Variants in C16orf46 observed in about 807,000 individuals in gnomAD.
C16orf46 encodes the protein chromosome 16 open reading frame 46.
A neutral mutation model predicts 5.5 loss-of-function variants in C16orf46; 7 were observed. The ratio of observed to expected loss-of-function variants is 1.28; its 90% CI spans 0.73 to 2.40. C16orf46 has a LOEUF of 2.40. Among genes scored for constraint, C16orf46 ranks in the 30% most tolerant of loss-of-function variants. The pLI is 0.00. For missense variants in C16orf46, 614 were observed against 476.0 expected, an observed-to-expected ratio of 1.29 and a Z score of -2.70; for synonymous variants, 200 against 184.1, an observed-to-expected ratio of 1.09 and a Z score of -0.70.
intron 3 of C16orf46, chr16:81,054,163 C>G: frequency 7.0e-7 from 1 of 1,435,774 alleles, no homozygotes; most frequent in Non-Finnish European, 9.8e-7. Context: ...TGGCAGAAGT[C>G]AATGCATCTG....
downstream of C16orf46, among the ~76,000 whole-genome samples, chr16:81,058,993 C>T (rs1223404605): frequency 3.9e-5 from 6 of 152,264 alleles, no homozygotes; most frequent in African/African-American, 1.2e-4. Flanking sequence ...AAAATGATCC[C>T]TGATTCCCAT....
At chr16:81,053,897 T>C in exon 4 of C16orf46, 3 of 622,446 alleles carry the variant, frequency 4.8e-6, no homozygotes, top group Non-Finnish European at 8.3e-6. Flanking sequence ...ATGGCAGGTG[T>C]AAATAAGACC....
In C16orf46 at chr16:81,061,595, C is replaced by A; in HGVS notation, c.754G>T (p.Ala252Ser). 6.2e-7 allele frequency: 1 copy of A among 1,614,222 alleles called. No homozygotes were observed. Among genetic ancestry groups the A allele is most frequent in the Non-Finnish European group, 8.5e-7 (1 of 1,180,050 alleles). The change falls in exon 4 of 4, where the codon GCA becomes TCA. Residue 252 changes from alanine (A) to serine (S), a missense_variant. Transcript: ENST00000299578. ...DVEKDGCVAY[A>S]YGLKTADGKG... Reference sequence around the variant, plus strand: ...CCATCTGCTGTTTTCAAGCCATATGCATAAGCCACACACCCATCCTTTTCC... The same window carrying A: ...CCATCTGCTGTTTTCAAGCCATATGAATAAGCCACACACCCATCCTTTTCC...
rs1461348016 is a variant in C16orf46, at chr16:81,061,661, T to TA, written c.687dup (p.Lys230Ter). ...TCTTCTGACTGCAAGAAAGAGTTCT[T>TA]ACTCTTCTTACCCAGAACATCCAAA... On this transcript the variant is annotated frameshift_variant, in exon 4 of 4. Transcript: ENST00000299578. LOFTEE classifies it low-confidence loss of function (END_TRUNC). 3 of 1,614,090 alleles carry TA rather than the reference T, an allele frequency of 1.9e-6. No individual in the cohort carries two copies. Among genetic ancestry groups the TA allele is most frequent in the Non-Finnish European group, 8.5e-7 (1 of 1,180,042 alleles).
chr16:81,055,061 G>C (rs759407732), intron 3 of C16orf46, among the ~76,000 whole-genome samples: 2 of 152,230 alleles, frequency 1.3e-5, no homozygotes, highest in Non-Finnish European at 2.9e-5. Flanking sequence ...ATAATGCCAA[G>C]TATTCCTCTG....
At chr16:81,071,361 G>T (rs1470497567) in intron 1 of C16orf46, among the ~76,000 whole-genome samples, 1 of 152,208 alleles carries the variant, frequency 6.6e-6, no homozygotes, top group East Asian at 1.9e-4. Context: ...AAATCTAATC[G>T]CTGCAGGGGA....
intron 1 of C16orf46, among the ~76,000 whole-genome samples, chr16:81,075,584 T>C (rs1475649065): frequency 6.6e-6 from 1 of 152,150 alleles, no homozygotes; most frequent in African/African-American, 2.4e-5. Flanking sequence ...GGTGAGACTG[T>C]CTCAAAACAA....
chr16:81,071,875 G>C (rs767156685), intron 1 of C16orf46: 1 of 152,208 alleles, frequency 6.6e-6, no homozygotes, highest in African/African-American at 2.4e-5. Context: ...AGCTACTGCT[G>C]CCCAAAGAGC....
chr16:81,073,268 A>T (rs1343175480), intron 1 of C16orf46, among the ~76,000 whole-genome samples: 1 of 152,234 alleles, frequency 6.6e-6, no homozygotes, highest in Non-Finnish European at 1.5e-5. Flanking sequence ...TAGAGATTGA[A>T]AGTCTCAGGA....
chr16:81,069,446 T>C (rs1348566929), intron 1 of C16orf46, among the ~76,000 whole-genome samples: 1 of 152,216 alleles, frequency 6.6e-6, no homozygotes, highest in Admixed American at 6.5e-5. Flanking sequence ...ATGCAGAGTG[T>C]GATGGCAAAC....
At chr16:81,073,079 A>G (rs1971910841) in intron 1 of C16orf46, among the ~76,000 whole-genome samples, 1 of 152,242 alleles carries the variant, frequency 6.6e-6, no homozygotes, top group East Asian at 1.9e-4. Context: ...AAGTCACATG[A>G]TGCTAGCAGA....
chr16:81,068,861 C>T (rs1054362242), intron 1 of C16orf46, among the ~76,000 whole-genome samples: 1 of 151,736 alleles, frequency 6.6e-6, no homozygotes, highest in African/African-American at 2.4e-5. Flanking sequence ...GCCACCACGC[C>T]CGGCTAATTT....
In C16orf46 at chr16:81,063,802, G is replaced by A. The variant is rs1253830581; in HGVS notation, c.154C>T (p.Leu52Phe). 6.2e-7 allele frequency: 1 copy of A among 1,614,002 alleles called. No individual in the cohort carries two copies. Among genetic ancestry groups the A allele is most frequent in the East Asian group, 2.2e-5 (1 of 44,866 alleles). Residue 52 changes from leucine (L) to phenylalanine (F), a missense_variant, in exon 3 of 4, where the codon CTT becomes TTT. By Grantham distance (22) the Leu-to-Phe change is conservative. Coordinates refer to ENST00000299578, the MANE Select transcript of C16orf46 (RefSeq NM_152337.3). Reference protein sequence around the residue: ...YCLLDVSDITLEQDEKAKEFI... With the variant: ...YCLLDVSDITFEQDEKAKEFI... The stretch of plus-strand genomic sequence containing the variant: ...TCTTTGGCTTTTTCATCTTGTTCAA[G>A]CGTAATGTCACTGACATCGAGAAGA...
exon 4 of C16orf46, chr16:81,053,990 G>T: frequency 6.9e-7 from 1 of 1,444,602 alleles, no homozygotes; most frequent in Non-Finnish European, 9.7e-7. Flanking sequence ...GCTTTTCCAT[G>T]TCCTGGGTGA....
downstream of C16orf46, among the ~76,000 whole-genome samples, chr16:81,058,701 C>G (rs1971375217): frequency 6.6e-6 from 1 of 152,192 alleles, no homozygotes; most frequent in African/African-American, 2.4e-5. Context: ...TTGATCCACT[C>G]AATACATTCA....
chr16:81,075,115 A>G (rs1451245310), intron 1 of C16orf46, among the ~76,000 whole-genome samples: 4 of 152,154 alleles, frequency 2.6e-5, no homozygotes. Flanking sequence ...CTGCAAATTC[A>G]CCTTCATCTT....
At chr16:81,059,320 C>CAA (rs71143671), downstream of C16orf46, among the ~76,000 whole-genome samples, 1,516 of 44,852 alleles carry the variant, frequency 0.034, 9 homozygotes, top group Non-Finnish European at 0.044. Flanking sequence ...GACTCTGTCT[C>CAA]AAAAAAAAAA....
At chr16:81,076,362 A>C (rs922542939) in intron 1 of C16orf46, 6 of 152,170 alleles carry the variant, frequency 3.9e-5, no homozygotes, top group Admixed American at 2.0e-4. Context: ...CATATTTCCA[A>C]GAGTATAAAT....
In C16orf46 at chr16:81,061,518, G is replaced by C; in HGVS notation, c.831C>G (p.Asp277Glu). The C allele has an allele frequency of 6.2e-7, 1 of 1,614,194 alleles. No homozygotes were observed. The highest frequency in any genetic ancestry group is 1.1e-5 in the South Asian group (1 of 91,086). ...CCGCTGGGGAAGGGGAGGATGGCGT[G>C]TCGTTGACCATAGGGTGTTTGGCCA... is the stretch of plus-strand genomic sequence containing the variant. ...SELAKHPMVN[D>E]TPSSPSPAAQ... Residue 277 changes from aspartate to glutamate, a missense_variant, in exon 4 of 4, where the codon GAC becomes GAG. By Grantham distance (45) the Asp-to-Glu change is conservative (BLOSUM62 2). Coordinates refer to ENST00000299578, the MANE Select transcript of C16orf46 (RefSeq NM_152337.3).
Sources: gnomAD v4.1 joint callset for allele counts (sites outside exome capture counted in the v4.1 genomes callset) on GRCh38, gnomAD v4.1.1 for gene constraint, MANE v1.5 for transcripts, NCBI Gene and HGNC (gene_info 2026-07-23, HGNC 2026-07-21) for gene names.